Variants in CERS3 observed in about 807,000 individuals in gnomAD.
CERS3 encodes LAG1 homolog, ceramide synthase 3.
A neutral mutation model predicts 50.3 loss-of-function variants in CERS3; 33 were observed. The observed-to-expected ratio is 0.66, with a 90% CI of 0.50 to 0.88. The LOEUF (loss-of-function observed/expected upper bound fraction) is 0.88. Among genes scored for constraint, CERS3 ranks in the 40% least tolerant of loss-of-function variants. The pLI is 0.00. For synonymous variants in CERS3, 176 were observed against 155.2 expected, an observed-to-expected ratio of 1.13 and a Z score of -0.99; for missense variants, 470 against 460.3, an observed-to-expected ratio of 1.02 and a Z score of -0.19.
chr15:100,519,455 G>T (rs1596804623), intron 2 of CERS3, among the ~76,000 whole-genome samples: 1 of 152,086 alleles, frequency 6.6e-6, no homozygotes, highest in African/African-American at 2.4e-5. Flanking sequence ...GAACGGAAGG[G>T]TCATATGATA....
intron 8 of CERS3, 58 bp downstream of exon 8, chr15:100,476,028 A>G: frequency 1.6e-5 from 18 of 1,143,260 alleles, no homozygotes; most frequent in Non-Finnish European, 2.2e-5. Context: ...AATTTGGGGC[A>G]GGGAGATGGC....
chr15:100,506,940 T>C (rs2036203239), intron 2 of CERS3, among the ~76,000 whole-genome samples: 1 of 152,188 alleles, frequency 6.6e-6, no homozygotes, highest in Admixed American at 6.5e-5. Flanking sequence ...GCATGGTATG[T>C]AAATTATACC....
At chr15:100,516,944 G>C (rs562001438) in intron 2 of CERS3, among the ~76,000 whole-genome samples, 4 of 152,170 alleles carry the variant, frequency 2.6e-5, no homozygotes, top group Non-Finnish European at 5.9e-5. Context: ...AGGACCTAGC[G>C]ACCTGCTAAT....
chr15:100,403,145 A>C lies in CERS3; in HGVS notation c.1000-280T>G, dbSNP rs1429169822. On this transcript the variant is annotated intron_variant, in intron 11 of 11. Coordinates refer to ENST00000679737, the MANE Select transcript of CERS3 (RefSeq NM_001378789.1). ...TTTCAAAACACTTAGAAAGTAAATA[A>C]GATCCTTCTAAACAATCGCTGGGTC... Among the ~76,000 whole-genome samples the C allele has an allele frequency of 2.0e-5, 3 of 152,234 alleles. No individual in the cohort carries two copies. The East Asian group carries it at 5.8e-4, about 29-fold the overall frequency.
chr15:100,411,363 T>G (rs1054555016), intron 11 of CERS3, among the ~76,000 whole-genome samples: 2 of 152,128 alleles, frequency 1.3e-5, no homozygotes, highest in Admixed American at 6.5e-5. Flanking sequence ...GGTTTCACCA[T>G]GTTGGCCAGG....
chr15:100,429,348 G>C (rs1381842509), intron 11 of CERS3, among the ~76,000 whole-genome samples: 2 of 152,188 alleles, frequency 1.3e-5, no homozygotes, highest in Non-Finnish European at 2.9e-5. Flanking sequence ...TATCGGAGTA[G>C]CACTGCGATG....
intron 8 of CERS3, among the ~76,000 whole-genome samples, chr15:100,473,301 C>T (rs919549618): frequency 5.3e-5 from 8 of 152,098 alleles, no homozygotes; most frequent in African/African-American, 1.9e-4. Context: ...CACTGCCCCC[C>T]AACACACAAT....
chr15:100,417,766 C>T (rs549631904), intron 11 of CERS3, among the ~76,000 whole-genome samples: 119 of 151,904 alleles, frequency 7.8e-4, no homozygotes, highest in Middle Eastern at 3.4e-3. Flanking sequence ...CAAGTAGGTC[C>T]CTGACCCCTG....
chr15:100,441,385 C>T (rs2033676200), intron 11 of CERS3, among the ~76,000 whole-genome samples: 1 of 151,742 alleles, frequency 6.6e-6, no homozygotes, highest in African/African-American at 2.4e-5. Context: ...TCCCTTATTT[C>T]TGCACCCTGA....
intron 11 of CERS3, among the ~76,000 whole-genome samples, chr15:100,430,482 T>C (rs2033071152): frequency 6.6e-6 from 1 of 152,212 alleles, no homozygotes. Context: ...GTACTACAGC[T>C]TCCATAAAAT....
intron 3 of CERS3, among the ~76,000 whole-genome samples, chr15:100,496,092 T>G (rs374139700): frequency 6.6e-6 from 1 of 152,352 alleles, no homozygotes; most frequent in South Asian, 2.1e-4. Context: ...TGTCACGGCA[T>G]GTATTTGTAG....
At chr15:100,438,928 C>T (rs1351615374) in intron 11 of CERS3, among the ~76,000 whole-genome samples, 1 of 152,178 alleles carries the variant, frequency 6.6e-6, no homozygotes, top group Non-Finnish European at 1.5e-5. Flanking sequence ...TAATATTAAA[C>T]AAAAGCATAC....
In CERS3 at chr15:100,400,837, A is replaced by G. The variant is rs2030464318; in HGVS notation, c.*1876T>C. ...TAATAATAATATAATATTAATAATA[A>G]GTCAATAGCTATACCCTAAAGTGGG... On this transcript the variant is annotated 3_prime_UTR_variant, in exon 12 of 12. Transcript: ENST00000679737. The G allele has an allele frequency of 6.6e-6, 1 of 152,062 alleles. No individual in the cohort carries two copies. The highest frequency in any genetic ancestry group is 2.4e-5 in the African/African-American group (1 of 41,426). 9.4% of individuals were successfully genotyped at this position (152,062 alleles called of 1,614,324 possible).
rs776949322 is a variant in CERS3, at chr15:100,473,062, G to A, written c.610-10C>T. 6.2e-7 allele frequency: 1 copy of A among 1,609,366 alleles called. No homozygotes were observed. The highest frequency in any genetic ancestry group is 1.1e-5 in the South Asian group (1 of 90,472). ...TATGAGCTAGAAAATCCTGTAAGAT[G>A]AGGGAAAATGGAAGCCATTAAGGAA... On this transcript the variant is annotated splice_polypyrimidine_tract_variant and intron_variant, in intron 8 of 11. Coordinates refer to ENST00000679737, the MANE Select transcript of CERS3 (RefSeq NM_001378789.1).
rs11449303 is a variant in CERS3 at position 100,446,364 on chromosome 15, GT to G, written c.999+9528del. Among the ~76,000 whole-genome samples the G allele has an allele frequency of 7.9e-3, 1,020 of 128,528 alleles. 10 individuals carry two copies. Among genetic ancestry groups the G allele is most frequent in the African/African-American group, 0.026 (870 of 34,020 alleles). The allele number at this position is 128,528 out of a possible 152,430, so 84.3% of individuals were successfully genotyped here. A position where few individuals can be genotyped will look rare whatever the true frequency, so the allele number is the denominator to read the frequency against. On this transcript the variant is annotated intron_variant, in intron 11 of 11. Coordinates refer to ENST00000679737, the MANE Select transcript of CERS3 (RefSeq NM_001378789.1). ...TTCAGTTCAAGAAGAAACTTCTCAG[GT>G]TTTTTTTTTTTTTTTTCTTTAGATT...
At chr15:100,469,768 T>C (rs528519888) in intron 9 of CERS3, among the ~76,000 whole-genome samples, 1 of 152,304 alleles carries the variant, frequency 6.6e-6, no homozygotes, top group Admixed American at 6.5e-5. Flanking sequence ...ACCACTCGTG[T>C]CTTTTGAAAA....
Position 100,411,252 on chromosome 15 carries a change from C to T in CERS3, c.1000-8387G>A, listed in dbSNP as rs534863459. ...ATCTTGGCTCACTGCAACCTCGCCT[C>T]CCTGGTACAAGTGATTCTCCTGCCT... is the stretch of plus-strand genomic sequence containing the variant. On this transcript the variant is annotated intron_variant, in intron 11 of 11. Transcript: ENST00000679737. 3.3e-5 allele frequency among the ~76,000 whole-genome samples: 5 copies of T among 152,118 alleles called. No homozygotes were observed. The South Asian group carries it at 8.3e-4, about 25-fold the overall frequency.
intron 1 of CERS3, among the ~76,000 whole-genome samples, chr15:100,539,887 G>C (rs1910413): frequency 0.52 from 78,260 of 151,848 alleles, 20,408 homozygotes; most frequent in South Asian, 0.6. Flanking sequence ...TGCTGAGATT[G>C]CAGTCCTAGG....
intron 11 of CERS3, among the ~76,000 whole-genome samples, chr15:100,416,563 T>C (rs2031923714): frequency 6.6e-6 from 1 of 152,182 alleles, no homozygotes; most frequent in Admixed American, 6.5e-5. Context: ...TGGGGAGGCC[T>C]CAGGAAACTT....
Sources: allele counts gnomAD v4.1 joint callset (sites outside exome capture counted in the v4.1 genomes callset), GRCh38; gene constraint gnomAD v4.1.1; transcripts MANE v1.5; gene names NCBI Gene and HGNC (gene_info 2026-07-23, HGNC 2026-07-21).